Variants in ELF1 observed in about 807,000 individuals in gnomAD.
ELF1 encodes ETS-related transcription factor Elf-1.
In ELF1, 24 loss-of-function variants were observed where a neutral mutation model predicts 59.9. The ratio of observed to expected loss-of-function variants is 0.40; its 90% CI spans 0.29 to 0.56. The LOEUF is 0.56. Ranked by LOEUF, ELF1 falls within the 20% of genes least tolerant of loss-of-function variation. ELF1 has a pLI of 0.44. For synonymous variants in ELF1, 248 were observed against 266.2 expected, an observed-to-expected ratio of 0.93 and a Z score of 0.67; for missense variants, 627 against 742.2, an observed-to-expected ratio of 0.84 and a Z score of 1.80.
chr13:40,995,310 T>C (rs936752841), intron 1 of ELF1, among the ~76,000 whole-genome samples: 12 of 152,180 alleles, frequency 7.9e-5, no homozygotes, highest in African/African-American at 2.7e-4. Context: ...ATGGCTTCCA[T>C]CACCTACAGG....
chr13:40,994,244 C>A (rs1874020578), intron 1 of ELF1, among the ~76,000 whole-genome samples: 1 of 152,168 alleles, frequency 6.6e-6, no homozygotes, highest in Non-Finnish European at 1.5e-5. Flanking sequence ...TAGCACCCTG[C>A]AGAACAGCCA....
chr13:41,010,313 C>T (rs114457980), intron 1 of ELF1, among the ~76,000 whole-genome samples: 4,615 of 149,540 alleles, frequency 0.031, 203 homozygotes, highest in African/African-American at 0.095. Context: ...GAAATTTGCA[C>T]GTCATAGTGG....
intron 1 of ELF1, among the ~76,000 whole-genome samples, chr13:41,008,987 C>T (rs1874904562): frequency 6.6e-6 from 1 of 151,506 alleles, no homozygotes; most frequent in Non-Finnish European, 1.5e-5. Context: ...CAGGGTCCTG[C>T]TATGTTGCCT....
chr13:40,936,817 C>T (rs1197161575), intron 8 of ELF1, among the ~76,000 whole-genome samples: 3 of 149,512 alleles, frequency 2.0e-5, no homozygotes, highest in South Asian at 2.1e-4. Context: ...CATGGTGGCG[C>T]GTGCCTATAA....
chr13:40,976,285 T>C (rs1872900040), intron 2 of ELF1, among the ~76,000 whole-genome samples: 1 of 152,166 alleles, frequency 6.6e-6, no homozygotes, highest in Non-Finnish European at 1.5e-5. Context: ...AGAGAATCTG[T>C]TAAAAGTTTT....
chr13:40,955,807 G>A (rs867047502), intron 3 of ELF1, among the ~76,000 whole-genome samples: 6 of 129,740 alleles, frequency 4.6e-5, no homozygotes, highest in Admixed American at 1.5e-4. Flanking sequence ...CAGCCGCCCC[G>A]TCCGGGAGGT....
At chr13:40,994,446 C>T (rs574383762) in intron 1 of ELF1, among the ~76,000 whole-genome samples, 10 of 152,240 alleles carry the variant, frequency 6.6e-5, no homozygotes, top group Middle Eastern at 3.4e-3. Context: ...AGTTCAAGAC[C>T]AGCCTGGCCT....
rs543941278 is a variant in ELF1, at chr13:41,029,632, T to C, written c.-229+31206A>G. 1.4e-4 allele frequency among the ~76,000 whole-genome samples: 22 copies of C among 152,322 alleles called. No homozygotes were observed. The East Asian group carries it at 4.2e-3, about 29-fold the overall frequency. ...CCTGGGCTCAAGTGATCCACCCGCC[T>C]CAGCCTCCCAAAGTGCAAGGATTAC... On this transcript the variant is annotated intron_variant, in intron 1 of 1. Coordinates refer to the ELF1 transcript ENST00000405737.
chr13:41,009,739 T>C (rs1566188214), intron 1 of ELF1, among the ~76,000 whole-genome samples: 3 of 152,140 alleles, frequency 2.0e-5, no homozygotes, highest in Non-Finnish European at 2.9e-5. Context: ...CAGTCTATGA[T>C]TTTTCTCATT....
chr13:41,016,945 A>T lies in ELF1; in HGVS notation c.-229+2283T>A, dbSNP rs866068353. Reference sequence around the variant, plus strand: ...AAAAAAAAAAAAAAAAAAAAAAAAAAAAATATATATATATATATATATATA... The same window carrying T: ...AAAAAAAAAAAAAAAAAAAAAAAAATAAATATATATATATATATATATATA... On this transcript the variant is annotated intron_variant, in intron 1 of 8. Coordinates refer to ENST00000239882, the MANE Select transcript of ELF1 (RefSeq NM_172373.4). 8.4e-3 allele frequency among the ~76,000 whole-genome samples: 468 copies of T among 55,532 alleles called. 20 individuals carry two copies. The highest frequency in any genetic ancestry group is 0.029 in the African/African-American group (362 of 12,526). The allele number at this position is 55,532 out of a possible 152,430, so 36.4% of individuals were successfully genotyped here. A position where few individuals can be genotyped will look rare whatever the true frequency, so the allele number is the denominator to read the frequency against.
chr13:41,042,490 G>A (rs1030729183), intron 1 of ELF1, among the ~76,000 whole-genome samples: 1 of 151,936 alleles, frequency 6.6e-6, no homozygotes, highest in African/African-American at 2.4e-5. Flanking sequence ...CCCAGTGTGT[G>A]ATGTTTCCCT....
In ELF1 at chr13:40,941,319, C is replaced by T. The variant is rs1009748953; in HGVS notation, c.858G>A (p.Val286=). ...ILAKVEGQRL[V]YQFKEMPKDL... is the part of the protein sequence containing the mutation. ...CTTTTGGCATTTCTTTAAACTGATACACCAAGCGCTGACCTTCCACTTTTG... is the reference window on the plus strand; with the variant it reads ...CTTTTGGCATTTCTTTAAACTGATATACCAAGCGCTGACCTTCCACTTTTG... The change falls in exon 8 of 9, where the codon GTG becomes GTA. Residue 286 remains valine (V), a synonymous_variant. Coordinates refer to ENST00000239882, the MANE Select transcript of ELF1 (RefSeq NM_172373.4). 3 of 1,612,676 alleles carry T rather than the reference C, an allele frequency of 1.9e-6. No homozygotes were observed. The highest frequency in any genetic ancestry group is 1.3e-5 in the African/African-American group (1 of 74,750).
At chr13:40,999,582 T>C (rs185368641) in intron 1 of ELF1, among the ~76,000 whole-genome samples, 84 of 152,292 alleles carry the variant, frequency 5.5e-4, no homozygotes, top group Admixed American at 3.3e-4. Flanking sequence ...GTTGCAACAA[T>C]AGATGGTGGT....
chr13:41,050,544 T>C (rs1263336198), intron 1 of ELF1, among the ~76,000 whole-genome samples: 1 of 152,328 alleles, frequency 6.6e-6, no homozygotes, highest in African/African-American at 2.4e-5. Flanking sequence ...TGCTGGATTA[T>C]GATAATTCTC....
upstream of ELF1, among the ~76,000 whole-genome samples, chr13:41,024,106 A>G (rs1171933585): frequency 2.6e-5 from 4 of 152,218 alleles, no homozygotes; most frequent in Non-Finnish European, 5.9e-5. Context: ...AGTTGTTTGT[A>G]TAGACATATT....
chr13:41,014,619 A>T (rs1257812609), intron 1 of ELF1, among the ~76,000 whole-genome samples: 1 of 152,204 alleles, frequency 6.6e-6, no homozygotes, highest in Admixed American at 6.5e-5. Context: ...GATTGTTCAG[A>T]TAGTTGGAAA....
Position 40,982,002 on chromosome 13 carries a change from A to T in ELF1, c.53T>A (p.Val18Asp). ...TCATACCTGTCGTTCATCCTCCATG[A>T]CGTTACTAGCAAATTCAAATACTAG... ...NDLVFEFASN[V>D]MEDERQLGDP... Residue 18 changes from valine to aspartate, a missense_variant, in exon 2 of 9, where the codon GTC (valine) becomes GAC (aspartate). By Grantham distance (152) the Val-to-Asp change is radical. Coordinates refer to ENST00000239882, the MANE Select transcript of ELF1 (RefSeq NM_172373.4). 1 of 1,609,642 alleles carries T rather than the reference A, an allele frequency of 6.2e-7. No homozygotes were observed. The highest frequency in any genetic ancestry group is 8.5e-7 in the Non-Finnish European group (1 of 1,177,770).
chr13:41,041,743 C>T lies in ELF1; in HGVS notation c.-229+19095G>A, dbSNP rs150926844. On this transcript the variant is annotated intron_variant, in intron 1 of 1. Coordinates refer to the ELF1 transcript ENST00000405737. ...GTCCATAGATCAGATGCACCAGAAT[C>T]ATCTAAAGATGCACACACTCCTGAG... Among the ~76,000 whole-genome samples, 11 of 152,158 alleles carry T rather than the reference C, an allele frequency of 7.2e-5. No individual in the cohort carries two copies. The East Asian group carries it at 2.1e-3, about 29-fold the overall frequency.
intron 1 of ELF1, among the ~76,000 whole-genome samples, chr13:41,008,208 T>G (rs944357305): frequency 5.3e-5 from 8 of 152,232 alleles, no homozygotes; most frequent in Non-Finnish European, 7.3e-5. Context: ...AAAGCATTTA[T>G]GCTATTATTC....
Sources: gnomAD v4.1 joint callset for allele counts (sites outside exome capture counted in the v4.1 genomes callset) on GRCh38, gnomAD v4.1.1 for gene constraint, MANE v1.5 for transcripts, NCBI Gene and HGNC (gene_info 2026-07-23, HGNC 2026-07-21) for gene names.